The following ZNF385B variants were observed in gnomAD, a reference collection of about 807,000 sequenced individuals.
The protein encoded by ZNF385B is zinc finger protein 385B.
A neutral mutation model predicts 39.2 loss-of-function variants in ZNF385B; 23 were observed. The ratio of observed to expected loss-of-function variants is 0.59; its 90% CI spans 0.42 to 0.83. ZNF385B has a LOEUF of 0.83. ZNF385B is among the 40% of genes least tolerant of loss of function. The pLI is 0.00. For synonymous variants in ZNF385B, 205 were observed against 222.6 expected, an observed-to-expected ratio of 0.92 and a Z score of 0.70; for missense variants, 552 against 598.9, an observed-to-expected ratio of 0.92 and a Z score of 0.82.
At chr2:179,480,471 A>C (rs1395405888) in intron 6 of ZNF385B, among the ~76,000 whole-genome samples, 1 of 152,224 alleles carries the variant, frequency 6.6e-6, no homozygotes, top group Non-Finnish European at 1.5e-5. Flanking sequence ...GATATCAACA[A>C]AAATCTATGA....
Position 179,655,599 on chromosome 2 carries a change from G to GGA in ZNF385B, c.299-110632_299-110631dup, listed in dbSNP as rs1325847167. ...AAAAAACAGGAAGAGAGAGAAAGAG[G>GGA]GAGAGAGAGAGAGAGGTGGGGTAAA... On this transcript the variant is annotated intron_variant, in intron 3 of 9. Transcript: ENST00000410066. Among the ~76,000 whole-genome samples the GGA allele has an allele frequency of 5.4e-3, 811 of 150,464 alleles. 5 individuals carry two copies. Among genetic ancestry groups the GGA allele is most frequent in the African/African-American group, 0.018 (739 of 41,078 alleles).
intron 3 of ZNF385B, among the ~76,000 whole-genome samples, chr2:179,755,737 G>A (rs1049170482): frequency 4.9e-4 from 74 of 151,976 alleles, no homozygotes; most frequent in Admixed American, 7.9e-4. Context: ...CTGTTTTATC[G>A]GAGACTAGGA....
chr2:179,811,459 A>T (rs1033082642), intron 1 of ZNF385B, among the ~76,000 whole-genome samples: 2 of 152,168 alleles, frequency 1.3e-5, no homozygotes, highest in African/African-American at 4.8e-5. Context: ...AGATTCACAG[A>T]TCAATGTAAC....
chr2:179,764,028 T>G (rs186984000), intron 3 of ZNF385B, among the ~76,000 whole-genome samples: 1 of 152,332 alleles, frequency 6.6e-6, no homozygotes. Context: ...TTATTTTGTT[T>G]AATAATCCTA....
chr2:179,620,757 TTTG>T (rs1373987349), intron 3 of ZNF385B, among the ~76,000 whole-genome samples: 1 of 152,182 alleles, frequency 6.6e-6, no homozygotes, highest in Non-Finnish European at 1.5e-5. Flanking sequence ...TATTTAAGAC[TTTG>T]TTGAGATGGC....
At position 179,777,061 on chromosome 2, in the gene ZNF385B, A is replaced by G. The variant is rs147636915; in HGVS notation, c.-154-6389T>C. 4.5e-4 allele frequency among the ~76,000 whole-genome samples: 68 copies of G among 151,990 alleles called. No individual in the cohort carries two copies. The East Asian group carries it at 7.1e-3, about 16-fold the overall frequency. ...AGCTTCAGCCAAAAGCTGATAGTTA[A>G]TTTGTTCCTGGCCTTCAGAAGACCC... On this transcript the variant is annotated intron_variant, in intron 1 of 9. Coordinates refer to ENST00000410066, the MANE Select transcript of ZNF385B (RefSeq NM_152520.6).
At position 179,827,806 on chromosome 2, in the gene ZNF385B, T is replaced by C. The variant is rs917343930; in HGVS notation, c.-155+33295A>G. On this transcript the variant is annotated intron_variant, in intron 1 of 9. Coordinates refer to ENST00000410066, the MANE Select transcript of ZNF385B (RefSeq NM_152520.6). ...ATTGTCACGACGTGAACGTGTCCCA[T>C]GTAGCTAGCATCAAGATCGACAAGA... Among the ~76,000 whole-genome samples the C allele has an allele frequency of 1.2e-4, 18 of 152,138 alleles. 1 individual carries two copies. Among genetic ancestry groups the C allele is most frequent in the Admixed American group, 1.0e-3 (16 of 15,268 alleles).
intron 6 of ZNF385B, among the ~76,000 whole-genome samples, chr2:179,469,558 T>C (rs575869011): frequency 6.6e-6 from 1 of 152,132 alleles, no homozygotes; most frequent in African/African-American, 2.4e-5. Context: ...CAAAGGAAAA[T>C]CATCAGCAAA....
At chr2:179,687,683 C>T (rs1260483375) in intron 3 of ZNF385B, among the ~76,000 whole-genome samples, 1 of 152,116 alleles carries the variant, frequency 6.6e-6, no homozygotes, top group African/African-American at 2.4e-5. Flanking sequence ...TAAGATAGGC[C>T]TTAGTTCAAG....
chr2:179,675,396 C>A (rs576970457), intron 3 of ZNF385B, among the ~76,000 whole-genome samples: 1 of 152,244 alleles, frequency 6.6e-6, no homozygotes, highest in East Asian at 1.9e-4. Flanking sequence ...CAGTCCTATC[C>A]CACATTGTTC....
intron 1 of ZNF385B, among the ~76,000 whole-genome samples, chr2:179,837,552 A>G (rs550230582): frequency 6.6e-6 from 1 of 152,362 alleles, no homozygotes; most frequent in South Asian, 2.1e-4. Context: ...CAAGGTCACT[A>G]AACAAGTCAG....
chr2:179,576,152 GTGAC>G, intron 3 of ZNF385B: 1 of 985,332 alleles, frequency 1.0e-6, no homozygotes, highest in Non-Finnish European at 1.2e-6. Context: ...ATCCATCCCT[GTGAC>G]TGACTTCTGT....
At chr2:179,821,974 T>G (rs1405174640) in intron 1 of ZNF385B, among the ~76,000 whole-genome samples, 1 of 152,224 alleles carries the variant, frequency 6.6e-6, no homozygotes, top group Non-Finnish European at 1.5e-5. Context: ...TATGTTCTGC[T>G]GCATAGTGCA....
At chr2:179,820,306 T>C (rs1456367152) in intron 1 of ZNF385B, among the ~76,000 whole-genome samples, 1 of 152,124 alleles carries the variant, frequency 6.6e-6, no homozygotes, top group African/African-American at 2.4e-5. Flanking sequence ...TTGCATAATT[T>C]GTAATCTTCT....
At chr2:179,813,840 A>T (rs2106569917) in intron 1 of ZNF385B, among the ~76,000 whole-genome samples, 1 of 152,324 alleles carries the variant, frequency 6.6e-6, no homozygotes, top group African/African-American at 2.4e-5. Flanking sequence ...AACAGTATAC[A>T]TCCTTTGACT....
At chr2:179,500,347 T>C (rs1416542098) in intron 5 of ZNF385B, among the ~76,000 whole-genome samples, 1 of 152,096 alleles carries the variant, frequency 6.6e-6, no homozygotes, top group African/African-American at 2.4e-5. Context: ...GGAATCACAT[T>C]ATCTAACTTC....
chr2:179,555,305 T>C (rs1383623071), intron 3 of ZNF385B, among the ~76,000 whole-genome samples: 1 of 149,462 alleles, frequency 6.7e-6, no homozygotes, highest in Non-Finnish European at 1.5e-5. Flanking sequence ...GTTAGGATAG[T>C]GGCTTTCCTT....
intron 3 of ZNF385B, among the ~76,000 whole-genome samples, chr2:179,560,862 C>G (rs967406778): frequency 6.6e-6 from 1 of 152,090 alleles, no homozygotes; most frequent in Non-Finnish European, 1.5e-5. Context: ...CAAGTTTGTC[C>G]CTGTGACAAG....
chr2:179,829,895 A>C (rs1038466063), intron 1 of ZNF385B, among the ~76,000 whole-genome samples: 3 of 152,236 alleles, frequency 2.0e-5, no homozygotes, highest in Non-Finnish European at 4.4e-5. Flanking sequence ...CTGAAATTTA[A>C]AACTTTGGCT....
Sources: allele counts gnomAD v4.1 joint callset (sites outside exome capture counted in the v4.1 genomes callset), GRCh38; gene constraint gnomAD v4.1.1; transcripts MANE v1.5; gene names NCBI Gene and HGNC (gene_info 2026-07-23, HGNC 2026-07-21).